Variants in CLNK observed in about 807,000 individuals in gnomAD.
The protein encoded by CLNK is cytokine-dependent hematopoietic cell linker.
A neutral mutation model predicts 68.6 loss-of-function variants in CLNK; 74 were observed. That is an observed-to-expected ratio of 1.08 (90% confidence interval 0.89 to 1.31). The LOEUF is 1.31. Among genes scored for constraint, CLNK ranks in the 50% most tolerant of loss-of-function variants. The pLI, the probability that CLNK is intolerant of heterozygous loss-of-function variation, is 0.00. For synonymous variants in CLNK, 198 were observed against 172.2 expected (o/e 1.15, Z -1.17); for missense variants, 553 against 515.3 (o/e 1.07, Z -0.71).
chr4:10,677,958 T>G (rs966052520), intron 1 of CLNK, among the ~76,000 whole-genome samples: 6 of 152,160 alleles, frequency 3.9e-5, no homozygotes, highest in African/African-American at 1.4e-4. Context: ...TTTTCAGCAT[T>G]GAACAATCCT....
At chr4:10,505,881 G>A (rs779970686) in intron 17 of CLNK, among the ~76,000 whole-genome samples, 86 of 152,282 alleles carry the variant, frequency 5.6e-4, no homozygotes, top group Non-Finnish European at 1.1e-3. Flanking sequence ...GCATGATTCT[G>A]TTTATCATAG....
Position 10,616,790 on chromosome 4 carries a change from G to GTATA in CLNK, c.12-18745_12-18742dup, listed in dbSNP as rs58333228. On this transcript the variant is annotated intron_variant, in intron 2 of 18. Transcript: ENST00000226951. ...TGTGTGTGTATATATGTGTGTGTGT[G>GTATA]TATATATATATATATATATATATAT... Among the ~76,000 whole-genome samples the GTATA allele has an allele frequency of 3.0e-3, 195 of 64,288 alleles. 1 individual carries two copies. Among genetic ancestry groups the GTATA allele is most frequent in the East Asian group, 0.016 (31 of 1,902 alleles). The allele number at this position is 64,288 out of a possible 152,430, so 42.2% of individuals were successfully genotyped here.
At chr4:10,535,844 A>G (rs916023679) in intron 11 of CLNK, among the ~76,000 whole-genome samples, 1 of 152,226 alleles carries the variant, frequency 6.6e-6, no homozygotes, top group Admixed American at 6.5e-5. Context: ...GTTGAAAAAA[A>G]TGAGCAGAGC....
At chr4:10,602,828 C>T (rs146224856) in intron 2 of CLNK, among the ~76,000 whole-genome samples, 2 of 152,216 alleles carry the variant, frequency 1.3e-5, no homozygotes, top group East Asian at 1.9e-4. Flanking sequence ...AGAAGAAAAA[C>T]GAGGAAGAAG....
At chr4:10,616,811 TATATATATATATAC>T (rs1233580616) in intron 2 of CLNK, among the ~76,000 whole-genome samples, 715 of 68,880 alleles carry the variant, frequency 0.01, 15 homozygotes, top group African/African-American at 0.032. Context: ...TATATATATA[TATATATATATATAC>T]ACGCATTTTT....
chr4:10,675,647 G>T (rs939184008), intron 1 of CLNK, among the ~76,000 whole-genome samples: 1 of 152,086 alleles, frequency 6.6e-6, no homozygotes, highest in Non-Finnish European at 1.5e-5. Flanking sequence ...CCAAACATTA[G>T]TTATTTATTC....
intron 8 of CLNK, among the ~76,000 whole-genome samples, chr4:10,549,478 T>C (rs1028465518): frequency 1.3e-5 from 2 of 152,180 alleles, no homozygotes; most frequent in African/African-American, 4.8e-5. Flanking sequence ...ATCCTGTTCA[T>C]ACTATGGGCA....
chr4:10,699,509 T>TAG, the CLNK span, among the ~76,000 whole-genome samples: 1 of 34,688 alleles, frequency 2.9e-5, no homozygotes, highest in Admixed American at 4.0e-4. Flanking sequence ...TATATATATA[T>TAG]ATATTTTTTT....
chr4:10,554,546 T>G (rs1026842559), intron 8 of CLNK, among the ~76,000 whole-genome samples: 2 of 152,212 alleles, frequency 1.3e-5, no homozygotes, highest in Non-Finnish European at 2.9e-5. Context: ...TGTTTGGTAG[T>G]GAGAAAAAAT....
chr4:10,595,966 C>T (rs549822582), intron 3 of CLNK, among the ~76,000 whole-genome samples: 34 of 152,296 alleles, frequency 2.2e-4, no homozygotes, highest in Non-Finnish European at 4.3e-4. Flanking sequence ...ATTTATTCTG[C>T]GGACACAGGA....
chr4:10,663,067 G>T (rs1363993855), intron 2 of CLNK, among the ~76,000 whole-genome samples: 1 of 152,212 alleles, frequency 6.6e-6, no homozygotes, highest in Non-Finnish European at 1.5e-5. Context: ...AGGTGACTTT[G>T]TCTCTTCCAA....
At chr4:10,627,138 T>C (rs1281461296) in intron 2 of CLNK, among the ~76,000 whole-genome samples, 3 of 152,188 alleles carry the variant, frequency 2.0e-5, no homozygotes, top group Non-Finnish European at 2.9e-5. Context: ...AAACTTGATA[T>C]CCATAGAGAA....
chr4:10,548,784 T>A (rs1014376074), intron 8 of CLNK, among the ~76,000 whole-genome samples: 5 of 152,234 alleles, frequency 3.3e-5, no homozygotes, highest in Admixed American at 2.6e-4. Flanking sequence ...GAGACCATCT[T>A]GTCTCCATTG....
At chr4:10,698,040 G>T in the CLNK span, among the ~76,000 whole-genome samples, 2 of 152,190 alleles carry the variant, frequency 1.3e-5, no homozygotes, top group Non-Finnish European at 2.9e-5. Flanking sequence ...AAGTAGGTAT[G>T]TGGGGGTAAA....
chr4:10,619,165 T>C (rs1722334799), intron 2 of CLNK, among the ~76,000 whole-genome samples: 1 of 152,222 alleles, frequency 6.6e-6, no homozygotes, highest in Non-Finnish European at 1.5e-5. Flanking sequence ...TCTGGAGCTA[T>C]ACTTGCAGGT....
intron 3 of CLNK, among the ~76,000 whole-genome samples, chr4:10,596,446 C>T (rs1178330309): frequency 6.6e-6 from 1 of 152,190 alleles, no homozygotes; most frequent in Non-Finnish European, 1.5e-5. Flanking sequence ...TCATTCTACA[C>T]TGCAATGCTG....
chr4:10,502,926 T>C (rs376194832), intron 17 of CLNK, among the ~76,000 whole-genome samples: 10 of 152,162 alleles, frequency 6.6e-5, no homozygotes, highest in African/African-American at 2.2e-4. Context: ...GTCAACAGCA[T>C]TGAATGGTCC....
intron 1 of CLNK, among the ~76,000 whole-genome samples, chr4:10,672,411 T>C (rs1016407043): frequency 6.6e-6 from 1 of 152,118 alleles, no homozygotes; most frequent in African/African-American, 2.4e-5. Context: ...ATACGGGTAA[T>C]ACAACAGCTA....
intron 3 of CLNK, among the ~76,000 whole-genome samples, chr4:10,588,134 G>T (rs965274711): frequency 2.6e-5 from 4 of 152,196 alleles, no homozygotes; most frequent in African/African-American, 9.7e-5. Context: ...TGTACAGTGA[G>T]CTTAATGTAA....
Sources: allele counts gnomAD v4.1 joint callset (sites outside exome capture counted in the v4.1 genomes callset), GRCh38; gene constraint gnomAD v4.1.1; transcripts MANE v1.5; gene names NCBI Gene and HGNC (gene_info 2026-07-23, HGNC 2026-07-21).